The following SLC9B1 variants were observed in gnomAD, a reference collection of about 807,000 sequenced individuals.
The protein encoded by SLC9B1 is sodium/hydrogen exchanger 9B1.
A neutral mutation model predicts 51.7 loss-of-function variants in SLC9B1; 32 were observed. The ratio of observed to expected loss-of-function variants is 0.62; its 90% CI spans 0.47 to 0.83. The LOEUF (loss-of-function observed/expected upper bound fraction) is 0.83, where lower values mean the gene tolerates loss of function less well. Among genes scored for constraint, SLC9B1 ranks in the 40% least tolerant of loss-of-function variants. The probability of loss-of-function intolerance (pLI) is 0.00; values close to 1 mark genes in which losing one functional copy is unlikely to be tolerated. For missense variants in SLC9B1, 406 were observed against 613.2 expected (o/e 0.66, Z 3.57); for synonymous variants, 145 against 212.7 (o/e 0.68, Z 2.77).
At chr4:102,950,600 C>T (rs1035244787) in intron 3 of SLC9B1, among the ~76,000 whole-genome samples, 2 of 152,234 alleles carry the variant, frequency 1.3e-5, no homozygotes, top group African/African-American at 4.8e-5. Flanking sequence ...TTTTGACTCA[C>T]TCCAGGCAGA....
At chr4:102,889,626 T>C (rs1734134528) in intron 11 of SLC9B1, 1 of 134,270 alleles carries the variant, frequency 7.4e-6, no homozygotes, top group African/African-American at 2.7e-5. Context: ...ACTCTCAGAA[T>C]AAAGACTTTT....
intron 3 of SLC9B1, among the ~76,000 whole-genome samples, chr4:102,986,012 T>A (rs1255002058): frequency 6.6e-6 from 1 of 152,182 alleles, no homozygotes; most frequent in Non-Finnish European, 1.5e-5. Context: ...TTAGATAAAT[T>A]AAGAATTTAA....
chr4:102,981,305 A>G (rs1403986176), intron 3 of SLC9B1, among the ~76,000 whole-genome samples: 2 of 152,176 alleles, frequency 1.3e-5, no homozygotes. Flanking sequence ...GTTGCCATAA[A>G]CATCCATGTT....
At chr4:102,994,416 A>G (rs977730193) in intron 1 of SLC9B1, among the ~76,000 whole-genome samples, 1 of 152,182 alleles carries the variant, frequency 6.6e-6, no homozygotes, top group African/African-American at 2.4e-5. Flanking sequence ...TTCATTGTCC[A>G]TATCACCATC....
At chr4:102,946,513 G>A (rs1737276890) in intron 5 of SLC9B1, 134 bp downstream of exon 5, 1 of 962,646 alleles carries the variant, frequency 1.0e-6, no homozygotes, top group Non-Finnish European at 1.5e-6. Flanking sequence ...GCCATGCCCG[G>A]CCTTTTTTTC....
At chr4:102,946,090 T>C (rs1473225404) in intron 5 of SLC9B1, among the ~76,000 whole-genome samples, 2 of 152,178 alleles carry the variant, frequency 1.3e-5, no homozygotes, top group Admixed American at 6.6e-5. Flanking sequence ...TTATCCTATG[T>C]TAACTGAAAA....
At chr4:102,959,968 C>T (rs1738015424) in intron 3 of SLC9B1, among the ~76,000 whole-genome samples, 2 of 151,948 alleles carry the variant, frequency 1.3e-5, no homozygotes, top group South Asian at 4.2e-4. Flanking sequence ...CAAACCTGAA[C>T]ATGCACCCCT....
chr4:103,009,767 C>T (rs1433029193), intron 1 of SLC9B1, among the ~76,000 whole-genome samples: 1 of 152,144 alleles, frequency 6.6e-6, no homozygotes, highest in Non-Finnish European at 1.5e-5. Context: ...CTATTGCTGC[C>T]TTTCAAACAA....
chr4:102,928,861 A>T (rs1231964627), intron 7 of SLC9B1, among the ~76,000 whole-genome samples: 1 of 152,160 alleles, frequency 6.6e-6, no homozygotes, highest in African/African-American at 2.4e-5. Flanking sequence ...CAACTGGAGT[A>T]AGTCCAAGAG....
At chr4:102,933,174 A>G (rs999563564) in intron 6 of SLC9B1, among the ~76,000 whole-genome samples, 2 of 152,204 alleles carry the variant, frequency 1.3e-5, no homozygotes, top group African/African-American at 4.8e-5. Context: ...TTGGCTGCTA[A>G]TATCTGCAGA....
intron 7 of SLC9B1, among the ~76,000 whole-genome samples, chr4:102,922,890 G>A (rs888161890): frequency 1.3e-5 from 2 of 152,004 alleles, no homozygotes; most frequent in Non-Finnish European, 2.9e-5. Context: ...CCAATAACAG[G>A]CTCTGAAATT....
At chr4:102,894,940 C>A (rs1309938415) in intron 11 of SLC9B1, among the ~76,000 whole-genome samples, 4 of 152,052 alleles carry the variant, frequency 2.6e-5, no homozygotes, top group Non-Finnish European at 4.4e-5. Context: ...CTCAAAAAAA[C>A]AAACAAAACT....
intron 11 of SLC9B1, among the ~76,000 whole-genome samples, chr4:102,886,222 C>T (rs973980621): frequency 6.6e-6 from 1 of 152,128 alleles, no homozygotes; most frequent in Non-Finnish European, 1.5e-5. Context: ...GGCGCGGTGG[C>T]TCACGCCTGT....
intron 7 of SLC9B1, among the ~76,000 whole-genome samples, chr4:102,922,095 C>G (rs1474219706): frequency 6.6e-6 from 1 of 152,206 alleles, no homozygotes; most frequent in Non-Finnish European, 1.5e-5. Flanking sequence ...CACCCCAAAT[C>G]AACAGAGTAT....
intron 11 of SLC9B1, chr4:102,888,889 C>CAA (rs1404809041): frequency 6.6e-6 from 1 of 152,224 alleles, no homozygotes; most frequent in East Asian, 1.9e-4. Context: ...TGAGAAAAGA[C>CAA]AAATACAAAA....
intron 3 of SLC9B1, among the ~76,000 whole-genome samples, chr4:102,972,938 A>T (rs1424386862): frequency 6.6e-6 from 1 of 152,196 alleles, no homozygotes; most frequent in Admixed American, 6.5e-5. Flanking sequence ...TCAAGTACAC[A>T]TATTAAATTT....
intron 3 of SLC9B1, among the ~76,000 whole-genome samples, chr4:102,975,363 A>G (rs1379139690): frequency 6.6e-6 from 1 of 151,770 alleles, no homozygotes; most frequent in East Asian, 1.9e-4. Context: ...CATTATTAAT[A>G]TTACTTTCCC....
At chr4:102,976,164 G>A (rs1158062930) in intron 3 of SLC9B1, among the ~76,000 whole-genome samples, 1 of 152,212 alleles carries the variant, frequency 6.6e-6, no homozygotes, top group Non-Finnish European at 1.5e-5. Context: ...ATACGATGCA[G>A]ACAGAAACGT....
chr4:102,890,903 C>T (rs1734216682), intron 11 of SLC9B1: 1 of 140,396 alleles, frequency 7.1e-6, no homozygotes, highest in African/African-American at 2.8e-5. Context: ...GAAATCAGTA[C>T]GAAGTTCGTA....
Sources: allele counts gnomAD v4.1 joint callset (sites outside exome capture counted in the v4.1 genomes callset), GRCh38; gene constraint gnomAD v4.1.1; transcripts MANE v1.5; gene names NCBI Gene and HGNC (gene_info 2026-07-23, HGNC 2026-07-21).